Variants in ACOX2 observed in about 807,000 individuals in gnomAD.
ACOX2 encodes the protein acyl-CoA oxidase 2, also known as peroxisomal acyl-coenzyme A oxidase 2.
ACOX2 carries 59 observed loss-of-function variants against 77.5 expected under a neutral mutation model. The ratio of observed to expected loss-of-function variants is 0.76; its 90% confidence interval spans 0.62 to 0.95. The LOEUF (loss-of-function observed/expected upper bound fraction) is 0.95. Ranked by LOEUF, ACOX2 falls within the 40% of genes least tolerant of loss-of-function variation. The probability of loss-of-function intolerance (pLI) is 0.00; values close to 1 mark genes in which losing one functional copy is unlikely to be tolerated. For synonymous variants in ACOX2, 317 were observed against 340.1 expected (o/e 0.93, Z 0.75); for missense variants, 837 against 880.4 (o/e 0.95, Z 0.62).
In ACOX2 at chr3:58,526,811, G is replaced by A; in HGVS notation, c.1156-155C>T. ...CACAACTTTATGAATGAGAAGGCGG[G>A]TACTCAGCTTATGTGACTCACCCAG... On this transcript the variant is annotated intron_variant, in intron 9 of 14. Transcript: ENST00000302819. The surrounding 1 kb of genome is among the most constrained non-coding windows in gnomAD (Gnocchi z 4.3). The A allele has an allele frequency of 3.7e-6, 3 of 800,342 alleles. No individual in the cohort carries two copies. The allele number at this position is 800,342 out of a possible 1,614,324, so 49.6% of individuals were successfully genotyped here.
Position 58,531,654 on chromosome 3 carries a change from C to T in ACOX2, c.703+39G>A. 1.2e-6 allele frequency: 2 copies of T among 1,605,658 alleles called. No homozygotes were observed. Among genetic ancestry groups the T allele is most frequent in the Non-Finnish European group, 1.7e-6 (2 of 1,175,396 alleles). Reference sequence around the variant, plus strand: ...GGTCAGGGAGGCCACCTGGGCTCTCCTCCTGGCAGGGTTCCTTGAGGGAGC... The same window carrying T: ...GGTCAGGGAGGCCACCTGGGCTCTCTTCCTGGCAGGGTTCCTTGAGGGAGC... On this transcript the variant is annotated intron_variant, in intron 6 of 14. Coordinates refer to ENST00000302819, the MANE Select transcript of ACOX2 (RefSeq NM_003500.4). The surrounding 1 kb of genome is among the most constrained non-coding windows in gnomAD (Gnocchi z 5.8).
At position 58,511,320 on chromosome 3, in the gene ACOX2, T is replaced by A. The variant is rs567598933; in HGVS notation, c.1851-2295A>T. The A allele has an allele frequency of 8.3e-4, 298 of 358,546 alleles. 3 individuals are homozygous for A. Among genetic ancestry groups the A allele is most frequent in the South Asian group, 6.7e-3 (291 of 43,446 alleles). The allele number at this position is 358,546 out of a possible 1,614,324, so 22.2% of individuals were successfully genotyped here. A position where few individuals can be genotyped will look rare whatever the true frequency, so the allele number is the denominator to read the frequency against. On this transcript the variant is annotated intron_variant, in intron 13 of 14. Transcript: ENST00000302819. ...CTGGTTGCTGTCAAAATGGGCAAGT[T>A]CATGAAAAAGTGGGAAAGTGGTGCT...
In ACOX2 at chr3:58,528,857, GA is replaced by G; in HGVS notation, c.1091del (p.Leu364ProfsTer13). ...TGTAGGAGTGCTGGAAGAACTCCAA[GA>G]GGCTGACTGCCAGGAAATGGAAGGC... ...SYAFHFLAVS[L>X]LEFFQHSYTA... On this transcript the variant is annotated frameshift_variant, in exon 9 of 15. Transcript: ENST00000302819. LOFTEE classifies it high-confidence loss of function. This position sits in a 1 kb window ranked among gnomAD's most constrained non-coding sequence, Gnocchi z 5.6. 6.2e-7 allele frequency: 1 copy of G among 1,613,960 alleles called. No individual in the cohort carries two copies. The highest frequency in any genetic ancestry group is 8.5e-7 in the Non-Finnish European group (1 of 1,179,926).
intron 13 of ACOX2, among the ~76,000 whole-genome samples, chr3:58,509,730 C>T (rs1450975966): frequency 6.6e-6 from 1 of 150,824 alleles, no homozygotes; most frequent in Non-Finnish European, 1.5e-5. Flanking sequence ...CTCAACCTCC[C>T]GAGTAGTTGG....
chr3:58,510,899 C>T (rs2063282178), intron 13 of ACOX2: 6 of 446,164 alleles, frequency 1.3e-5, no homozygotes, highest in East Asian at 7.1e-5. Context: ...GCCCTGATTG[C>T]AGCTCAGCAA....
In ACOX2 at chr3:58,531,294, T is replaced by G; in HGVS notation, c.776A>C (p.His259Pro). ...CATGTTCTCCCTGGGGACCCGCACA[T>G]GGTTCAGCTGCAGGAAGCCATTGTC... ...QTDNGFLQLN[H>P]VRVPRENMLS... The change falls in exon 7 of 15, where the codon CAT (histidine) becomes CCT (proline). Residue 259 changes from histidine to proline, a missense_variant. His to Pro is a moderately conservative substitution (Grantham distance 77). Coordinates refer to ENST00000302819, the MANE Select transcript of ACOX2 (RefSeq NM_003500.4). This position sits in a 1 kb window ranked among gnomAD's most constrained non-coding sequence, Gnocchi z 5.8. The G allele has an allele frequency of 6.2e-7, 1 of 1,613,586 alleles. No homozygotes were observed. Among genetic ancestry groups the G allele is most frequent in the Non-Finnish European group, 8.5e-7 (1 of 1,180,010 alleles).
At position 58,534,424 on chromosome 3, in the gene ACOX2, TG is replaced by T. The variant is rs1560222284; in HGVS notation, c.258del (p.His86GlnfsTer4). 6.2e-7 allele frequency: 1 copy of T among 1,614,170 alleles called. No homozygotes were observed. The highest frequency in any genetic ancestry group is 8.5e-7 in the Non-Finnish European group (1 of 1,180,030). ...RYKAAMRRAF[H>X]IRLIARRLGW... Reference sequence around the variant, plus strand: ...CCCAGGCGCCGAGCTATCAACCGGATGTGGAATGCCCTCCGCATGGCAGCCT... The same window carrying T: ...CCCAGGCGCCGAGCTATCAACCGGATTGGAATGCCCTCCGCATGGCAGCCT... On this transcript the variant is annotated frameshift_variant, in exon 3 of 15. Transcript: ENST00000302819. LOFTEE classifies it high-confidence loss of function. This position sits in a 1 kb window ranked among gnomAD's most constrained non-coding sequence, Gnocchi z 4.8.
Position 58,534,492 on chromosome 3 carries a change from C to T in ACOX2, c.191G>A (p.Ser64Asn), listed in dbSNP as rs199880093. The T allele has an allele frequency of 1.2e-6, 2 of 1,614,224 alleles. No individual in the cohort carries two copies. The highest frequency in any genetic ancestry group is 2.2e-5 in the East Asian group (1 of 44,888). Reference protein sequence around the residue: ...ESIIHSYPEFSCKDNYFMTQN... With the variant: ...ESIIHSYPEFNCKDNYFMTQN... ...GGTCATGAAATAATTGTCCTTACAG[C>T]TAAACTCCGGGTAACTGTGGATGAT... is the stretch of plus-strand genomic sequence containing the variant. The change falls in exon 3 of 15, where the codon AGC becomes AAC. Residue 64 changes from serine (S) to asparagine (N), a missense_variant. Coordinates refer to ENST00000302819, the MANE Select transcript of ACOX2 (RefSeq NM_003500.4). This position sits in a 1 kb window ranked among gnomAD's most constrained non-coding sequence, Gnocchi z 4.8.
chr3:58,511,188 C>T (rs569746828), intron 13 of ACOX2: 1 of 346,610 alleles, frequency 2.9e-6, no homozygotes, highest in African/African-American at 2.2e-5. Flanking sequence ...TTTCCTCTTG[C>T]ATACTGGAGA....
chr3:58,531,640 C>T lies in ACOX2; in HGVS notation c.703+53G>A. On this transcript the variant is annotated intron_variant, in intron 6 of 14. Transcript: ENST00000302819. The surrounding 1 kb of genome is among the most constrained non-coding windows in gnomAD (Gnocchi z 5.8). ...CCTCTGGGGCCCCAGGTCAGGGAGGCCACCTGGGCTCTCCTCCTGGCAGGG... is the reference window on the plus strand; with the variant it reads ...CCTCTGGGGCCCCAGGTCAGGGAGGTCACCTGGGCTCTCCTCCTGGCAGGG... 1 of 1,592,816 alleles carries T rather than the reference C, an allele frequency of 6.3e-7. No individual in the cohort carries two copies. The highest frequency in any genetic ancestry group is 8.6e-7 in the Non-Finnish European group (1 of 1,169,156).
chr3:58,516,267 A>G (rs2063321405), intron 13 of ACOX2, among the ~76,000 whole-genome samples: 1 of 152,244 alleles, frequency 6.6e-6, no homozygotes, highest in African/African-American at 2.4e-5. Flanking sequence ...AATTTGCTTA[A>G]GCACATTCAA....
Position 58,512,935 on chromosome 3 carries a change from G to C in ACOX2, c.1851-3910C>G, listed in dbSNP as rs1211338952. On this transcript the variant is annotated intron_variant, in intron 13 of 14. Transcript: ENST00000302819. This position sits in a 1 kb window ranked among gnomAD's most constrained non-coding sequence, Gnocchi z 4.8. ...TGTTCACATGATGACAGACTCACCTGAAGACACATTTCTCAGAACGGATCC... is the reference window on the plus strand; with the variant it reads ...TGTTCACATGATGACAGACTCACCTCAAGACACATTTCTCAGAACGGATCC... Among the ~76,000 whole-genome samples the C allele has an allele frequency of 6.6e-6, 1 of 152,224 alleles. No individual in the cohort carries two copies. The highest frequency in any genetic ancestry group is 1.5e-5 in the Non-Finnish European group (1 of 68,046).
Position 58,522,979 on chromosome 3 carries a change from C to T in ACOX2, c.1527-378G>A, listed in dbSNP as rs2063370156. On this transcript the variant is annotated intron_variant, in intron 11 of 14. Coordinates refer to ENST00000302819, the MANE Select transcript of ACOX2 (RefSeq NM_003500.4). The surrounding 1 kb of genome is among the most constrained non-coding windows in gnomAD (Gnocchi z 4.3). ...CAGTATGTTCAGGCCTTTTTGTTGA[C>T]TGACGTCCTGTGGCCTGAGCAAGGA... is the stretch of plus-strand genomic sequence containing the variant. 1.0e-5 allele frequency: 2 copies of T among 190,614 alleles called. No individual in the cohort carries two copies. The highest frequency in any genetic ancestry group is 2.2e-5 in the Non-Finnish European group (2 of 89,552). 11.8% of individuals were successfully genotyped at this position (190,614 alleles called of 1,614,324 possible).
Position 58,534,993 on chromosome 3 carries a change from G to A in ACOX2, c.114C>T (p.Asn38=), listed in dbSNP as rs1175739503. ...TGTTCTGGGCACCTCCATCAAGGAT[G>A]TTGGTGAGCCGTTCCACGTCAAAGG... is the stretch of plus-strand genomic sequence containing the variant. ...MQSFDVERLT[N]ILDGGAQNTA... The change falls in exon 2 of 15, where the codon AAC becomes AAT. Residue 38 remains asparagine, a synonymous_variant. Coordinates refer to ENST00000302819, the MANE Select transcript of ACOX2 (RefSeq NM_003500.4). The surrounding 1 kb of genome is among the most constrained non-coding windows in gnomAD (Gnocchi z 4.8). The A allele has an allele frequency of 6.2e-7, 1 of 1,614,228 alleles. No homozygotes were observed. The highest frequency in any genetic ancestry group is 2.2e-5 in the East Asian group (1 of 44,888).
chr3:58,505,322 C>T lies in ACOX2; in HGVS notation c.1984-36G>A, dbSNP rs545262114. On this transcript the variant is annotated intron_variant, in intron 14 of 14. Transcript: ENST00000302819. The surrounding 1 kb of genome is among the most constrained non-coding windows in gnomAD (Gnocchi z 4.4). Reference sequence around the variant, plus strand: ...AAAGAAACGCATTATTAACACAGTACATTTCTGCCAGGATTAATGACTTTC... The same window carrying T: ...AAAGAAACGCATTATTAACACAGTATATTTCTGCCAGGATTAATGACTTTC... 1.3e-6 allele frequency: 2 copies of T among 1,529,390 alleles called. No individual in the cohort carries two copies. Among genetic ancestry groups the T allele is most frequent in the East Asian group, 4.6e-5 (2 of 43,608 alleles). The allele number at this position is 1,529,390 out of a possible 1,614,324, so 94.7% of individuals were successfully genotyped here. A position where few individuals can be genotyped will look rare whatever the true frequency, so the allele number is the denominator to read the frequency against.
At chr3:58,506,476 T>A (rs1241638381) in intron 14 of ACOX2, among the ~76,000 whole-genome samples, 1 of 152,196 alleles carries the variant, frequency 6.6e-6, no homozygotes, top group Non-Finnish European at 1.5e-5. Context: ...CTACAGGGTG[T>A]GTTTCAACAT....
chr3:58,522,780 G>A lies in ACOX2; in HGVS notation c.1527-179C>T, dbSNP rs1015254793. Among the ~76,000 whole-genome samples the A allele has an allele frequency of 6.6e-6, 1 of 152,206 alleles. No individual in the cohort carries two copies. The highest frequency in any genetic ancestry group is 1.5e-5 in the Non-Finnish European group (1 of 68,032). Reference sequence around the variant, plus strand: ...CTCTTTTAAGGGCAGGCACCCCCCAGTTTGCAATGGGGAAAACTGAGTCCC... The same window carrying A: ...CTCTTTTAAGGGCAGGCACCCCCCAATTTGCAATGGGGAAAACTGAGTCCC... On this transcript the variant is annotated intron_variant, in intron 11 of 14. Transcript: ENST00000302819. The surrounding 1 kb of genome is among the most constrained non-coding windows in gnomAD (Gnocchi z 4.3).
chr3:58,535,112 C>T lies in ACOX2; in HGVS notation c.-6G>A. Reference sequence around the variant, plus strand: ...CGGTGCACTGGGCTGCCCATCCTATCCTGGATCTGTCTGGTGACTATGGAG... The same window carrying T: ...CGGTGCACTGGGCTGCCCATCCTATTCTGGATCTGTCTGGTGACTATGGAG... On this transcript the variant is annotated 5_prime_UTR_variant, in exon 2 of 15. Coordinates refer to ENST00000302819, the MANE Select transcript of ACOX2 (RefSeq NM_003500.4). The surrounding 1 kb of genome is among the most constrained non-coding windows in gnomAD (Gnocchi z 4.8). 2 of 1,614,204 alleles carry T rather than the reference C, an allele frequency of 1.2e-6. No individual in the cohort carries two copies. The highest frequency in any genetic ancestry group is 1.7e-6 in the Non-Finnish European group (2 of 1,180,036).
rs1206792900 is a variant in ACOX2, at chr3:58,528,009, T to C, written c.1155+785A>G. Among the ~76,000 whole-genome samples, 1 of 152,110 alleles carries C rather than the reference T, an allele frequency of 6.6e-6. No homozygotes were observed. Among genetic ancestry groups the C allele is most frequent in the Non-Finnish European group, 1.5e-5 (1 of 68,024 alleles). ...GGTGTAAGTCACCATGCCAGGCCAATTTCTGTTGTTTATAAACCACTGCTT... is the reference window on the plus strand; with the variant it reads ...GGTGTAAGTCACCATGCCAGGCCAACTTCTGTTGTTTATAAACCACTGCTT... On this transcript the variant is annotated intron_variant, in intron 9 of 14. Transcript: ENST00000302819. This position sits in a 1 kb window ranked among gnomAD's most constrained non-coding sequence, Gnocchi z 5.6.
Sources: allele counts gnomAD v4.1 joint callset (sites outside exome capture counted in the v4.1 genomes callset), GRCh38; gene constraint gnomAD v4.1.1; non-coding constraint Gnocchi (gnomAD v3.1); transcripts MANE v1.5; gene names NCBI Gene and HGNC (gene_info 2026-07-23, HGNC 2026-07-21).